The following NRG3 variants were observed in gnomAD, a reference collection of about 807,000 sequenced individuals.
The protein encoded by NRG3 is pro-neuregulin-3, membrane-bound isoform.
Under a neutral mutation model 66.9 loss-of-function variants are expected in NRG3, and 31 were observed. The ratio of observed to expected loss-of-function variants is 0.46; its 90% CI spans 0.35 to 0.63. The LOEUF is 0.63. Among genes scored for constraint, NRG3 ranks in the 20% least tolerant of loss-of-function variants. The pLI, the probability that NRG3 is intolerant of heterozygous loss-of-function variation, is 0.00. For synonymous variants in NRG3, 393 were observed against 359.4 expected (o/e 1.09, Z -1.06); for missense variants, 910 against 878.9 (o/e 1.04, Z -0.45).
chr10:82,754,603 ATTTTT>A (rs1288024625), intron 3 of NRG3, among the ~76,000 whole-genome samples: 2 of 151,688 alleles, frequency 1.3e-5, no homozygotes, highest in Non-Finnish European at 2.9e-5. Context: ...TAACTCTCTT[ATTTTT>A]TTCATAGCCA....
intron 4 of NRG3, among the ~76,000 whole-genome samples, chr10:82,891,954 T>G (rs1430564349): frequency 6.6e-6 from 1 of 152,052 alleles, no homozygotes; most frequent in Non-Finnish European, 1.5e-5. Context: ...CTATTTCTAG[T>G]TATCAAAAAA....
chr10:81,919,185 C>G (rs1289335684), intron 1 of NRG3, among the ~76,000 whole-genome samples: 1 of 152,156 alleles, frequency 6.6e-6, no homozygotes, highest in African/African-American at 2.4e-5. Flanking sequence ...ATGTATGGGA[C>G]TAGGGGATAG....
At chr10:82,234,238 G>C (rs2133925727) in intron 1 of NRG3, among the ~76,000 whole-genome samples, 1 of 152,028 alleles carries the variant, frequency 6.6e-6, no homozygotes, top group East Asian at 1.9e-4. Flanking sequence ...CAATACCAAT[G>C]GTCTTTTATC....
In NRG3 at chr10:82,086,049, A is replaced by G. The variant is rs878910135; in HGVS notation, c.823+209886A>G. 3.3e-5 allele frequency among the ~76,000 whole-genome samples: 5 copies of G among 152,140 alleles called. No individual in the cohort carries two copies. The East Asian group carries it at 5.8e-4, about 18-fold the overall frequency. ...GTTCAAACCACAGCACAATGGCACTACAAGTTAGTTTCCATTTACAAATGA... is the reference window on the plus strand; with the variant it reads ...GTTCAAACCACAGCACAATGGCACTGCAAGTTAGTTTCCATTTACAAATGA... On this transcript the variant is annotated intron_variant, in intron 1 of 8. Coordinates refer to ENST00000372141, the MANE Select transcript of NRG3 (RefSeq NM_001010848.4).
At chr10:81,941,285 T>C (rs10786781) in intron 1 of NRG3, among the ~76,000 whole-genome samples, 21,992 of 152,006 alleles carry the variant, frequency 0.14, 2,191 homozygotes, top group East Asian at 0.35. Context: ...CCACTAAAAA[T>C]TGTGTTTAGT....
chr10:82,785,498 A>G (rs990173831), intron 3 of NRG3, among the ~76,000 whole-genome samples: 7 of 152,114 alleles, frequency 4.6e-5, no homozygotes, highest in Admixed American at 4.6e-4. Flanking sequence ...AGTAAAGGCT[A>G]CTCTGACAAG....
rs572553941 is a variant in NRG3, at chr10:82,931,298, G to A, written c.1055-20171G>A. Among the ~76,000 whole-genome samples the A allele has an allele frequency of 2.0e-5, 3 of 152,212 alleles. No individual in the cohort carries two copies. The East Asian group carries it at 5.8e-4, about 29-fold the overall frequency. ...ATTGATAAAATAAATTTATTTTTGAGATACTTTCCATCTGACTTCAAGGTT... is the reference window on the plus strand; with the variant it reads ...ATTGATAAAATAAATTTATTTTTGAAATACTTTCCATCTGACTTCAAGGTT... On this transcript the variant is annotated intron_variant, in intron 4 of 8. Transcript: ENST00000372141.
At chr10:82,727,032 G>C (rs138767759) in intron 2 of NRG3, among the ~76,000 whole-genome samples, 8 of 152,212 alleles carry the variant, frequency 5.3e-5, no homozygotes, top group African/African-American at 1.9e-4. Flanking sequence ...ATAATGTAGG[G>C]TATCTGGTGG....
intron 2 of NRG3, among the ~76,000 whole-genome samples, chr10:82,661,970 G>A (rs2052396383): frequency 6.6e-6 from 1 of 152,086 alleles, no homozygotes; most frequent in South Asian, 2.1e-4. Context: ...CTGGGGGTGG[G>A]GACCTAGTTC....
chr10:82,237,301 A>G (rs1416051675), intron 1 of NRG3, among the ~76,000 whole-genome samples: 1 of 152,148 alleles, frequency 6.6e-6, no homozygotes, highest in African/African-American at 2.4e-5. Context: ...CTCTGTTTGC[A>G]AAGGTCATTC....
chr10:82,038,628 T>G (rs115257965), intron 1 of NRG3, among the ~76,000 whole-genome samples: 1 of 152,276 alleles, frequency 6.6e-6, no homozygotes, highest in East Asian at 1.9e-4. Flanking sequence ...GAATTTGATC[T>G]TTATTAATAG....
At chr10:82,855,076 G>A (rs993690468) in intron 3 of NRG3, among the ~76,000 whole-genome samples, 5 of 152,098 alleles carry the variant, frequency 3.3e-5, no homozygotes, top group Non-Finnish European at 4.4e-5. Context: ...TATCCATGAC[G>A]GGAAGTGGGG....
intron 2 of NRG3, among the ~76,000 whole-genome samples, chr10:82,473,724 C>T (rs989289852): frequency 1.3e-5 from 2 of 152,124 alleles, no homozygotes; most frequent in African/African-American, 4.8e-5. Flanking sequence ...TTGCAGAGAA[C>T]TGAGTTTGCA....
chr10:82,831,637 A>T (rs192129611), intron 3 of NRG3, among the ~76,000 whole-genome samples: 7 of 152,190 alleles, frequency 4.6e-5, no homozygotes, highest in Non-Finnish European at 1.0e-4. Flanking sequence ...CAACAGGGTG[A>T]AACCTGTCTC....
chr10:81,985,032 G>A (rs1025754635), intron 1 of NRG3, among the ~76,000 whole-genome samples: 3 of 152,194 alleles, frequency 2.0e-5, no homozygotes, highest in African/African-American at 4.8e-5. Context: ...ACACATGTAT[G>A]TAGACATATC....
chr10:82,424,256 A>T (rs545646481), intron 2 of NRG3, among the ~76,000 whole-genome samples: 1 of 152,068 alleles, frequency 6.6e-6, no homozygotes, highest in Non-Finnish European at 1.5e-5. Flanking sequence ...AGCATTTTAA[A>T]TCCCACCAGC....
chr10:82,637,515 G>A (rs10736213), intron 2 of NRG3, among the ~76,000 whole-genome samples: 1 of 152,030 alleles, frequency 6.6e-6, no homozygotes, highest in East Asian at 1.9e-4. Flanking sequence ...CATTAATGAT[G>A]AGTCAAGTCC....
intron 2 of NRG3, among the ~76,000 whole-genome samples, chr10:82,535,571 A>T (rs1847731269): frequency 6.6e-6 from 1 of 152,148 alleles, no homozygotes; most frequent in African/African-American, 2.4e-5. Flanking sequence ...GCTAGAGAAA[A>T]ACTGCCTTTG....
At chr10:82,308,813 C>T (rs192245852) in intron 1 of NRG3, among the ~76,000 whole-genome samples, 2 of 152,232 alleles carry the variant, frequency 1.3e-5, no homozygotes, top group African/African-American at 2.4e-5. Flanking sequence ...TGAGCTCCAC[C>T]GTACCTTAAG....
Sources: allele counts gnomAD v4.1 joint callset (sites outside exome capture counted in the v4.1 genomes callset), GRCh38; gene constraint gnomAD v4.1.1; transcripts MANE v1.5; gene names NCBI Gene and HGNC (gene_info 2026-07-23, HGNC 2026-07-21).